GGT5: variants seen among roughly 807,000 people sequenced by gnomAD.
The protein encoded by GGT5 is glutathione hydrolase 5 proenzyme.
In GGT5, 50 loss-of-function variants were observed where a neutral mutation model predicts 58.1. The observed-to-expected ratio is 0.86, with a 90% CI of 0.69 to 1.09. GGT5 has a LOEUF of 1.09. GGT5 is among the 50% of genes least tolerant of loss of function. GGT5 has a pLI of 0.00. For synonymous variants in GGT5, 370 were observed against 346.1 expected (o/e 1.07, Z -0.77); for missense variants, 800 against 789.4 (o/e 1.01, Z -0.16).
intron 7 of GGT5, 88 bp from the exon 8 acceptor site, chr22:24,226,354 G>T: frequency 9.5e-7 from 1 of 1,055,680 alleles, no homozygotes; most frequent in Non-Finnish European, 1.4e-6. Flanking sequence ...CCCCCATGGG[G>T]GCCACCTCCA....
intron 1 of GGT5, among the ~76,000 whole-genome samples, chr22:24,240,546 C>T (rs1257201765): frequency 1.3e-5 from 2 of 151,282 alleles, no homozygotes; most frequent in South Asian, 2.1e-4. Context: ...CGGAGTGCAG[C>T]GACGTGATCT....
At chr22:24,220,233 G>C in intron 11 of GGT5, 117 bp from the exon 12 acceptor site, 1 of 950,690 alleles carries the variant, frequency 1.1e-6, no homozygotes, top group Non-Finnish European at 1.6e-6. Context: ...GAGGAAGAGG[G>C]CCTGAAGACA....
rs2048428408 is a variant in GGT5, at chr22:24,244,708, C to T, written c.18G>A (p.Gly6=). 1 of 1,610,948 alleles carries T rather than the reference C, an allele frequency of 6.2e-7. No individual in the cohort carries two copies. The highest frequency in any genetic ancestry group is 1.3e-5 in the African/African-American group (1 of 74,876). The change falls in exon 1 of 12, where the codon GGG becomes GGA. Residue 6 remains glycine (G), a synonymous_variant. Transcript: ENST00000327365. The stretch of plus-strand genomic sequence containing the variant: ...CCAGCAGGACTAGGCTGACCGTGGC[C>T]CCGTAGCCCCGGGCCATGGCTCTGC... The part of the protein sequence containing the change: MARGY[G]ATVSLVLLGL...
intron 11 of GGT5, among the ~76,000 whole-genome samples, chr22:24,222,423 GAAGCCA>G (rs907417091): frequency 6.6e-6 from 1 of 152,148 alleles, no homozygotes; most frequent in Non-Finnish European, 1.5e-5. Flanking sequence ...CTTTACTGCT[GAAGCCA>G]AAGTTGGACC....
At position 24,233,937 on chromosome 22, in the gene GGT5, C is replaced by A. The variant is rs143346756; in HGVS notation, c.241G>T (p.Val81Phe). Residue 81 changes from valine (V) to phenylalanine (F), a missense_variant, in exon 2 of 12, where the codon GTC (valine) becomes TTC (phenylalanine). By Grantham distance (50) the Val-to-Phe change is conservative. Coordinates refer to ENST00000327365, the MANE Select transcript of GGT5 (RefSeq NM_004121.5). The stretch of plus-strand genomic sequence containing the variant: ...CCCAGGCCCATGCTCTGAGGGTTGA[C>A]GACGCTGGTGCAGACCAGAGCCGCG... ...TIAALVCTSV[V>F]NPQSMGLGGG... is the part of the protein sequence containing the mutation. The A allele has an allele frequency of 6.2e-7, 1 of 1,613,610 alleles. No individual in the cohort carries two copies.
rs1461012618 is a variant in GGT5, at chr22:24,232,205, C to T, written c.600G>A (p.Gln200=). The T allele has an allele frequency of 1.8e-6, 2 of 1,141,144 alleles. No individual in the cohort carries two copies. Among genetic ancestry groups the T allele is most frequent in the Middle Eastern group, 2.3e-4 (1 of 4,402 alleles). 70.7% of individuals were successfully genotyped at this position (1,141,144 alleles called of 1,614,324 possible). Reference sequence around the variant, plus strand: ...GGGGTTCTGTCCCGTTGAAGAAGAGCTGGCTGGGGGGTGGGGGGAGCCTCA... The same window carrying T: ...GGGGTTCTGTCCCGTTGAAGAAGAGTTGGCTGGGGGGTGGGGGGAGCCTCA... ...RPSLQASTLR[Q]LFFNGTEPLR... The change falls in exon 5 of 12, where the codon CAG becomes CAA. Residue 200 remains glutamine (Q), a synonymous_variant. Transcript: ENST00000327365.
At chr22:24,238,915 T>A (rs1402780943) in intron 1 of GGT5, among the ~76,000 whole-genome samples, 862 of 14,986 alleles carry the variant, frequency 0.058, 73 homozygotes, top group Non-Finnish European at 0.067. Context: ...ATTATATATA[T>A]TATATATATA....
rs147344940 is a variant in GGT5, at chr22:24,220,045, C to T, written c.1686G>A (p.Gln562=). 472 of 1,614,154 alleles carry T rather than the reference C, an allele frequency of 2.9e-4. 1 individual carries two copies. In the African/African-American group the frequency reaches 5.6e-3, roughly 19 times the overall value. Residue 562 remains glutamine, a synonymous_variant, in exon 12 of 12, where the codon CAG becomes CAA. Coordinates refer to ENST00000327365, the MANE Select transcript of GGT5 (RefSeq NM_004121.5). ...TQRPFFLNVV[Q]AVSQEGACVY... is the part of the protein sequence containing the mutation. ...CACAGGCCCCCTCCTGGGACACAGC[C>T]TGGACCACGTTCAGGAAGAAGGGCC...
intron 1 of GGT5, among the ~76,000 whole-genome samples, chr22:24,238,947 T>TATA (rs1556043317): frequency 2.4e-5 from 1 of 41,000 alleles, no homozygotes; most frequent in Non-Finnish European, 4.3e-5. Context: ...ATAATATATA[T>TATA]ATATATATAT....
intron 6 of GGT5, among the ~76,000 whole-genome samples, chr22:24,228,350 A>G (rs1170880293): frequency 6.6e-6 from 1 of 152,152 alleles, no homozygotes; most frequent in Non-Finnish European, 1.5e-5. Flanking sequence ...ATCTTACACA[A>G]AAAATACTTC....
intron 11 of GGT5, among the ~76,000 whole-genome samples, chr22:24,221,254 C>T (rs143768482): frequency 0.047 from 7,128 of 152,238 alleles, 225 homozygotes; most frequent in South Asian, 0.086. Flanking sequence ...AGACTGCCTT[C>T]GTAGGACTCA....
At chr22:24,220,419 G>C (rs1383771874) in intron 11 of GGT5, 1 of 538,278 alleles carries the variant, frequency 1.9e-6, no homozygotes, top group Non-Finnish European at 3.5e-6. Context: ...GCAAATCTGA[G>C]TTCAGGGGGC....
At chr22:24,238,775 ATATAATATATATTATATATTT>A (rs2048181598) in intron 1 of GGT5, among the ~76,000 whole-genome samples, 1 of 29,236 alleles carries the variant, frequency 3.4e-5, no homozygotes, top group Admixed American at 8.4e-4. Flanking sequence ...ATATATATAT[ATATAATATATATTATATATTT>A]ATATATATAT....
chr22:24,224,536 A>G (rs1000872425), intron 11 of GGT5, among the ~76,000 whole-genome samples: 13 of 151,724 alleles, frequency 8.6e-5, no homozygotes, highest in East Asian at 1.9e-4. Context: ...AAAAAATTAT[A>G]TATATAGTAA....
In GGT5 at chr22:24,228,061, AAAAAACAAAAC is replaced by A. The variant is rs1333210196; in HGVS notation, c.902-1305_902-1295del. 1.1e-3 allele frequency among the ~76,000 whole-genome samples: 138 copies of A among 123,676 alleles called. 13 individuals carry two copies. The highest frequency in any genetic ancestry group is 2.6e-3 in the African/African-American group (65 of 24,972). The allele number at this position is 123,676 out of a possible 152,430, so 81.1% of individuals were successfully genotyped here. ...AAGACTCTGTCTCAAAAAAAAAAAA[AAAAAACAAAAC>A]AAAAAAAAAAAAACTCTGAAAAATA... On this transcript the variant is annotated intron_variant, in intron 6 of 11. Coordinates refer to ENST00000327365, the MANE Select transcript of GGT5 (RefSeq NM_004121.5).
At position 24,244,474 on chromosome 22, in the gene GGT5, A is replaced by T. The variant is rs1397189004; in HGVS notation, c.173+79T>A. 5.1e-5 allele frequency: 54 copies of T among 1,060,048 alleles called. No homozygotes were observed. Among genetic ancestry groups the T allele is most frequent in the African/African-American group, 1.8e-4 (7 of 38,882 alleles). The allele number at this position is 1,060,048 out of a possible 1,614,324, so 65.7% of individuals were successfully genotyped here. ...CACACCCACACATACATTCACTCACACACACACACACACACACGCCTTCTC... is the reference window on the plus strand; with the variant it reads ...CACACCCACACATACATTCACTCACTCACACACACACACACACGCCTTCTC... On this transcript the variant is annotated intron_variant, in intron 1 of 11. Coordinates refer to ENST00000327365, the MANE Select transcript of GGT5 (RefSeq NM_004121.5).
At chr22:24,231,837 C>T (rs753655455) in intron 5 of GGT5, among the ~76,000 whole-genome samples, 1 of 152,122 alleles carries the variant, frequency 6.6e-6, no homozygotes, top group Non-Finnish European at 1.5e-5. Context: ...TCGGTAACGC[C>T]CCTCTGCTGG....
intron 7 of GGT5, 64 bp from the exon 8 acceptor site, chr22:24,226,330 C>G: frequency 7.4e-7 from 1 of 1,347,118 alleles, no homozygotes; most frequent in Non-Finnish European, 1.0e-6. Context: ...GAACCAAGGG[C>G]AGGATGAGAT....
In GGT5 at chr22:24,233,555, C is replaced by G. The variant is rs1601408327; in HGVS notation, c.343G>C (p.Ala115Pro). The part of the protein sequence containing the change: ...EVINARETVP[A>P]SHAPSLLDQC... ...TCCAGCAGGCTCGGGGCGTGGCTGG[C>G]CGGCACCGTCTCCCGGGCATTGATG... The change falls in exon 3 of 12, where the codon GCC becomes CCC. Residue 115 changes from alanine to proline, a missense_variant. Physicochemically the swap from Ala to Pro is conservative, Grantham distance 27 (BLOSUM62 -1). Transcript: ENST00000327365. 1 of 1,609,252 alleles carries G rather than the reference C, an allele frequency of 6.2e-7. No homozygotes were observed. Among genetic ancestry groups the G allele is most frequent in the Non-Finnish European group, 8.5e-7 (1 of 1,179,100 alleles).
Sources: allele counts gnomAD v4.1 joint callset (sites outside exome capture counted in the v4.1 genomes callset), GRCh38; gene constraint gnomAD v4.1.1; transcripts MANE v1.5; gene names NCBI Gene and HGNC (gene_info 2026-07-23, HGNC 2026-07-21).